SMAD3: variants seen among roughly 807,000 people sequenced by gnomAD.
SMAD3 encodes the protein MAD homolog 3.
SMAD3 carries 12 observed loss-of-function variants against 51.8 expected under a neutral mutation model. That is an observed-to-expected ratio of 0.23 (90% CI 0.15 to 0.38). The LOEUF is 0.38. Ranked by LOEUF, SMAD3 falls within the 10% of genes least tolerant of loss-of-function variation. The pLI is 1.00. For synonymous variants in SMAD3, 238 were observed against 227.7 expected, an observed-to-expected ratio of 1.05 and a Z score of -0.41; for missense variants, 294 against 565.6, an observed-to-expected ratio of 0.52 and a Z score of 4.87.
intron 1 of SMAD3, among the ~76,000 whole-genome samples, chr15:67,070,889 T>C (rs1960038320): frequency 6.6e-6 from 1 of 152,144 alleles, no homozygotes; most frequent in Admixed American, 6.5e-5. Flanking sequence ...CAGGATGAGA[T>C]AAGTTCTGTG....
In SMAD3 at chr15:67,098,926, A is replaced by G. The variant is rs747409411; in HGVS notation, c.206+32566A>G. The G allele has an allele frequency of 6.3e-5, 44 of 702,310 alleles. No individual in the cohort carries two copies. In the Middle Eastern group the frequency reaches 6.9e-4, roughly 11 times the overall value. The allele number at this position is 702,310 out of a possible 1,614,324, so 43.5% of individuals were successfully genotyped here. On this transcript the variant is annotated intron_variant, in intron 1 of 8. Transcript: ENST00000327367. ...GGGCCAGTGTGGAGGAGGGTCAGGC[A>G]GCCCATGGAGATGGGACAGTGTTCT...
At chr15:67,161,967 C>G (rs143650648) in intron 1 of SMAD3, among the ~76,000 whole-genome samples, 1 of 152,140 alleles carries the variant, frequency 6.6e-6, no homozygotes, top group African/African-American at 2.4e-5. Context: ...GCTGTCTTCT[C>G]GATCTGCCTG....
rs1360288448 is a variant in SMAD3 at position 67,191,053 on chromosome 15, C to CCACCA, written c.*519_*523dup. 5 of 237,696 alleles carry CCACCA rather than the reference C, an allele frequency of 2.1e-5. No homozygotes were observed. The highest frequency in any genetic ancestry group is 1.1e-4 in the African/African-American group (5 of 45,224). The allele number at this position is 237,696 out of a possible 1,614,324, so 14.7% of individuals were successfully genotyped here. A position where few individuals can be genotyped will look rare whatever the true frequency, so the allele number is the denominator to read the frequency against. Reference sequence around the variant, plus strand: ...CAGCCCAGCCCCGCCCCGCCCCGCCCCACCACTCCAGCAGACCTTGCCCCT... The same window carrying CCACCA: ...CAGCCCAGCCCCGCCCCGCCCCGCCCCACCACACCACTCCAGCAGACCTTGCCCCT... On this transcript the variant is annotated 3_prime_UTR_variant, in exon 9 of 9. Coordinates refer to ENST00000327367, the MANE Select transcript of SMAD3 (RefSeq NM_005902.4).
At chr15:67,098,045 A>G (rs978974064) in intron 1 of SMAD3, among the ~76,000 whole-genome samples, 1 of 152,178 alleles carries the variant, frequency 6.6e-6, no homozygotes, top group Non-Finnish European at 1.5e-5. Context: ...GCATCTGTCA[A>G]ATGGAGCATT....
intron 1 of SMAD3, among the ~76,000 whole-genome samples, chr15:67,134,432 T>C (rs1445895431): frequency 6.6e-6 from 1 of 152,146 alleles, no homozygotes; most frequent in Non-Finnish European, 1.5e-5. Flanking sequence ...CTATTTGAGG[T>C]GAGGCCCTGT....
At chr15:67,177,352 T>C (rs933669122) in intron 5 of SMAD3, among the ~76,000 whole-genome samples, 1 of 151,956 alleles carries the variant, frequency 6.6e-6, no homozygotes, top group Non-Finnish European at 1.5e-5. Context: ...GTCCTTTTTG[T>C]TTCTCTGGTA....
At chr15:67,094,094 C>A (rs933524110) in intron 1 of SMAD3, among the ~76,000 whole-genome samples, 5 of 152,334 alleles carry the variant, frequency 3.3e-5, no homozygotes, top group South Asian at 4.1e-4. Context: ...ACCACCAATC[C>A]TGTGGAGGGG....
intron 1 of SMAD3, among the ~76,000 whole-genome samples, chr15:67,086,315 G>A (rs999016210): frequency 1.4e-4 from 22 of 152,134 alleles, no homozygotes; most frequent in African/African-American, 5.3e-4. Flanking sequence ...TTGGCTGAGA[G>A]CATCCTGTCC....
chr15:67,170,080 T>C (rs1186969225), intron 4 of SMAD3, among the ~76,000 whole-genome samples: 2 of 152,194 alleles, frequency 1.3e-5, no homozygotes, highest in African/African-American at 4.8e-5. Flanking sequence ...TGGCTGGTGA[T>C]GCTGGGGAGG....
At chr15:67,143,521 G>T (rs926756465) in intron 1 of SMAD3, among the ~76,000 whole-genome samples, 3 of 152,164 alleles carry the variant, frequency 2.0e-5, no homozygotes. Flanking sequence ...TGGAACCTCC[G>T]CCTCCCAGGT....
At chr15:67,072,652 G>C (rs1960080473) in intron 1 of SMAD3, among the ~76,000 whole-genome samples, 1 of 152,174 alleles carries the variant, frequency 6.6e-6, no homozygotes, top group Non-Finnish European at 1.5e-5. Flanking sequence ...GAATGTGCAG[G>C]GGGTGGAAGT....
intron 1 of SMAD3, chr15:67,145,952 C>T (rs973079403): frequency 2.0e-5 from 3 of 152,174 alleles, no homozygotes; most frequent in African/African-American, 4.8e-5. Flanking sequence ...GCTGGGTGAC[C>T]TTGTGGAATA....
intron 1 of SMAD3, among the ~76,000 whole-genome samples, chr15:67,102,762 G>A (rs993908765): frequency 8.5e-5 from 13 of 152,260 alleles, no homozygotes; most frequent in African/African-American, 2.9e-4. Flanking sequence ...GGCATGATAC[G>A]TGGTCCCTTA....
intron 7 of SMAD3, among the ~76,000 whole-genome samples, chr15:67,186,179 T>G (rs1019142057): frequency 1.3e-5 from 2 of 152,216 alleles, no homozygotes; most frequent in Non-Finnish European, 2.9e-5. Flanking sequence ...CAAGCCGGGA[T>G]GGGGCCTAGG....
intron 1 of SMAD3, among the ~76,000 whole-genome samples, chr15:67,084,232 C>T (rs1034798244): frequency 2.6e-5 from 4 of 151,396 alleles, no homozygotes; most frequent in Admixed American, 6.6e-5. Context: ...TCTGCCACCA[C>T]ACCTGGCTAA....
chr15:67,125,834 G>C, intron 1 of SMAD3: 1 of 985,454 alleles, frequency 1.0e-6, no homozygotes, highest in Non-Finnish European at 1.2e-6. Flanking sequence ...CAACATGTGG[G>C]CAAGAGCCGC....
rs1959890300 is a variant in SMAD3 at position 67,065,613 on chromosome 15, T to TGGGAGCGGGC, written c.-532_-523dup. ...ACGCGGATTTGCATGAAACACAGACTGGGAGCGGGCGGGAGCGGGAGCGCG... is the reference window on the plus strand; with the variant it reads ...ACGCGGATTTGCATGAAACACAGACTGGGAGCGGGCGGGAGCGGGCGGGAGCGGGAGCGCG... On this transcript the variant is annotated 5_prime_UTR_variant, in exon 1 of 9. Transcript: ENST00000327367. 7.0e-6 allele frequency among the ~76,000 whole-genome samples: 1 copy of TGGGAGCGGGC among 143,172 alleles called. No individual in the cohort carries two copies. Among genetic ancestry groups the TGGGAGCGGGC allele is most frequent in the Non-Finnish European group, 1.5e-5 (1 of 65,570 alleles). 93.9% of individuals were successfully genotyped at this position (143,172 alleles called of 152,430 possible). A position where few individuals can be genotyped will look rare whatever the true frequency, so the allele number is the denominator to read the frequency against.
chr15:67,181,476 GCCCCCCCA>G, intron 6 of SMAD3, 23 bp downstream of exon 6: 1 of 1,170,842 alleles, frequency 8.5e-7, no homozygotes, highest in Non-Finnish European at 1.1e-6. Context: ...TCCATTCCCC[GCCCCCCCA>G]CCCTGCCCCT....
intron 1 of SMAD3, among the ~76,000 whole-genome samples, chr15:67,115,044 A>G (rs1054389846): frequency 6.6e-6 from 1 of 152,132 alleles, no homozygotes. Context: ...TATGGACACT[A>G]CATCATCTAG....
Sources: allele counts gnomAD v4.1 joint callset (sites outside exome capture counted in the v4.1 genomes callset), GRCh38; gene constraint gnomAD v4.1.1; transcripts MANE v1.5; gene names NCBI Gene and HGNC (gene_info 2026-07-23, HGNC 2026-07-21).